The following TAF3 variants were observed in gnomAD, a reference collection of about 807,000 sequenced individuals.
TAF3 encodes the protein TATA-box binding protein associated factor 3.
Under a neutral mutation model 80.6 loss-of-function variants are expected in TAF3, and 7 were observed. That is an observed-to-expected ratio of 0.09 (90% confidence interval 0.05 to 0.16). TAF3 has a LOEUF of 0.16. Among genes scored for constraint, TAF3 ranks in the 10% least tolerant of loss-of-function variants. The pLI is 1.00. For synonymous variants in TAF3, 444 were observed against 446.1 expected (o/e 1.00, Z 0.06); for missense variants, 921 against 1,140.2 (o/e 0.81, Z 2.77).
At chr10:7,952,104 G>A (rs1838088148) in intron 2 of TAF3, among the ~76,000 whole-genome samples, 1 of 152,208 alleles carries the variant, frequency 6.6e-6, no homozygotes, top group Admixed American at 6.5e-5. Flanking sequence ...ATTTGTGAAT[G>A]TGTGGTGTTT....
chr10:8,000,585 A>G (rs1304922048), intron 4 of TAF3, among the ~76,000 whole-genome samples: 1 of 151,974 alleles, frequency 6.6e-6, no homozygotes, highest in Non-Finnish European at 1.5e-5. Context: ...TGGGCAACAT[A>G]GCAAAACCCC....
intron 3 of TAF3, among the ~76,000 whole-genome samples, chr10:7,972,665 C>A (rs1240521890): frequency 6.6e-6 from 1 of 152,122 alleles, no homozygotes; most frequent in African/African-American, 2.4e-5. Flanking sequence ...TATGTGTTTC[C>A]ACTTTTGTTT....
At chr10:7,857,910 AT>A (rs140922817) in intron 2 of TAF3, among the ~76,000 whole-genome samples, 6 of 138,542 alleles carry the variant, frequency 4.3e-5, no homozygotes, top group African/African-American at 8.1e-5. Context: ...AACATTTCTG[AT>A]TTTTTTTTTT....
chr10:7,884,994 GTT>G (rs71505470), intron 2 of TAF3, among the ~76,000 whole-genome samples: 3 of 147,082 alleles, frequency 2.0e-5, no homozygotes, highest in Non-Finnish European at 3.0e-5. Flanking sequence ...TTTTTGTTCA[GTT>G]TTTTTTTTTT....
chr10:7,922,405 T>C (rs1290051355), intron 2 of TAF3, among the ~76,000 whole-genome samples: 1 of 152,108 alleles, frequency 6.6e-6, no homozygotes, highest in East Asian at 1.9e-4. Flanking sequence ...CATTCCTCAA[T>C]TTCTCCAAGC....
rs187511489 is a variant in TAF3 at position 7,940,325 on chromosome 10, C to G, written c.410-23595C>G. Among the ~76,000 whole-genome samples the G allele has an allele frequency of 7.2e-5, 11 of 152,284 alleles. No homozygotes were observed. In the East Asian group the frequency reaches 2.1e-3, roughly 29 times the overall value. ...TGATTCAGTCTCAATTTAATTAAAT[C>G]TAATAGATATTTAAGCACCCAGTAT... On this transcript the variant is annotated intron_variant, in intron 2 of 6. Coordinates refer to ENST00000344293, the MANE Select transcript of TAF3 (RefSeq NM_031923.4).
At chr10:7,830,925 A>T (rs926836422) in intron 2 of TAF3, among the ~76,000 whole-genome samples, 1 of 152,174 alleles carries the variant, frequency 6.6e-6, no homozygotes, top group Non-Finnish European at 1.5e-5. Flanking sequence ...ATGCAGCTCA[A>T]TGTGTTTCTC....
chr10:7,940,005 A>T (rs924108114), intron 2 of TAF3, among the ~76,000 whole-genome samples: 3 of 152,224 alleles, frequency 2.0e-5, no homozygotes, highest in Non-Finnish European at 4.4e-5. Flanking sequence ...ATAAAAATGC[A>T]TACCAAGGCA....
chr10:7,934,710 G>T, intron 2 of TAF3, among the ~76,000 whole-genome samples: 1 of 151,968 alleles, frequency 6.6e-6, no homozygotes, highest in Non-Finnish European at 1.5e-5. Flanking sequence ...CTCCCAAAGT[G>T]CTGGGATTAC....
At chr10:7,847,481 G>T (rs1836983055) in intron 2 of TAF3, among the ~76,000 whole-genome samples, 1 of 152,204 alleles carries the variant, frequency 6.6e-6, no homozygotes, top group African/African-American at 2.4e-5. Flanking sequence ...GTCTTGCCCT[G>T]TCGTACAGGC....
At chr10:7,856,466 A>G (rs2131130752) in intron 2 of TAF3, among the ~76,000 whole-genome samples, 1 of 152,294 alleles carries the variant, frequency 6.6e-6, no homozygotes, top group African/African-American at 2.4e-5. Context: ...GGCAGATGAC[A>G]CAGGACTTCA....
intron 2 of TAF3, among the ~76,000 whole-genome samples, chr10:7,955,781 A>C (rs1838129280): frequency 6.6e-6 from 1 of 152,212 alleles, no homozygotes; most frequent in African/African-American, 2.4e-5. Context: ...GAAGTTTAGA[A>C]AAGAAGCATG....
chr10:7,838,495 C>A (rs934158409), intron 2 of TAF3, among the ~76,000 whole-genome samples: 1 of 152,116 alleles, frequency 6.6e-6, no homozygotes, highest in African/African-American at 2.4e-5. Context: ...GATTCTCCTG[C>A]CTTAGCCTTC....
chr10:7,994,977 GAAAA>G (rs71287400), intron 4 of TAF3, among the ~76,000 whole-genome samples: 3 of 97,646 alleles, frequency 3.1e-5, no homozygotes, highest in Admixed American at 2.6e-4. Context: ...CTCAAAAAAA[GAAAA>G]AAAAAAAAAA....
intron 2 of TAF3, among the ~76,000 whole-genome samples, chr10:7,925,664 G>A (rs1305955023): frequency 6.6e-6 from 1 of 151,854 alleles, no homozygotes; most frequent in Non-Finnish European, 1.5e-5. Context: ...AATTAGGCAT[G>A]ATGGTGTGCC....
At chr10:7,955,313 C>T (rs1454621720) in intron 2 of TAF3, among the ~76,000 whole-genome samples, 1 of 152,186 alleles carries the variant, frequency 6.6e-6, no homozygotes, top group East Asian at 1.9e-4. Context: ...GTTTGTGCAT[C>T]ATTGTAGAAA....
At chr10:7,833,488 A>G (rs1836822231) in intron 2 of TAF3, 1 of 152,158 alleles carries the variant, frequency 6.6e-6, no homozygotes, top group African/African-American at 2.4e-5. Flanking sequence ...GGCAGTTTGT[A>G]TGTCTTATTT....
intron 2 of TAF3, among the ~76,000 whole-genome samples, chr10:7,845,291 C>T (rs1357751543): frequency 6.6e-6 from 1 of 151,218 alleles, no homozygotes; most frequent in Non-Finnish European, 1.5e-5. Flanking sequence ...TTTTTTGACG[C>T]CGCCCTCCAG....
intron 2 of TAF3, among the ~76,000 whole-genome samples, chr10:7,911,883 G>A (rs751631621): frequency 1.3e-5 from 2 of 152,002 alleles, no homozygotes; most frequent in Non-Finnish European, 2.9e-5. Context: ...TTTCTGTAAT[G>A]GGCCTAGCTT....
Sources: gnomAD v4.1 joint callset for allele counts (sites outside exome capture counted in the v4.1 genomes callset) on GRCh38, gnomAD v4.1.1 for gene constraint, MANE v1.5 for transcripts, NCBI Gene and HGNC (gene_info 2026-07-23, HGNC 2026-07-21) for gene names.